Variants in ATRNL1 observed in about 807,000 individuals in gnomAD.
ATRNL1 encodes attractin like 1.
ATRNL1 carries 95 observed loss-of-function variants against 182.7 expected under a neutral mutation model. The ratio of observed to expected loss-of-function variants is 0.52; its 90% CI spans 0.44 to 0.62. The LOEUF (loss-of-function observed/expected upper bound fraction) is 0.62, where lower values mean the gene tolerates loss of function less well. Ranked by LOEUF, ATRNL1 falls within the 20% of genes least tolerant of loss-of-function variation. ATRNL1 has a pLI of 0.00. For synonymous variants in ATRNL1, 576 were observed against 568.3 expected, an observed-to-expected ratio of 1.01 and a Z score of -0.19; for missense variants, 1,471 against 1,679.5, an observed-to-expected ratio of 0.88 and a Z score of 2.17.
intron 25 of ATRNL1, among the ~76,000 whole-genome samples, chr10:115,536,418 G>C (rs1216997331): frequency 6.6e-6 from 1 of 152,228 alleles, no homozygotes; most frequent in African/African-American, 2.4e-5. Flanking sequence ...TCCGAGCCAG[G>C]TGTGGGATAT....
At chr10:115,773,326 A>C in intron 27 of ATRNL1, among the ~76,000 whole-genome samples, 1 of 152,142 alleles carries the variant, frequency 6.6e-6, no homozygotes, top group Admixed American at 6.6e-5. Flanking sequence ...TGCCCAGAGG[A>C]GTAAAAATCT....
At chr10:115,438,151 A>T (rs1344958185) in intron 21 of ATRNL1, among the ~76,000 whole-genome samples, 3 of 152,016 alleles carry the variant, frequency 2.0e-5, no homozygotes, top group African/African-American at 4.8e-5. Context: ...TATATCTAAG[A>T]ATTCTTCTTC....
intron 27 of ATRNL1, among the ~76,000 whole-genome samples, chr10:115,742,601 C>T (rs541872819): frequency 6.6e-6 from 1 of 152,228 alleles, no homozygotes; most frequent in South Asian, 2.1e-4. Context: ...TCTTCATTTT[C>T]TATCTGTCAT....
intron 28 of ATRNL1, among the ~76,000 whole-genome samples, chr10:115,882,690 T>TGGAGAATGAGAAGAGGATGAGGA (rs1401103921): frequency 2.6e-4 from 40 of 152,270 alleles, no homozygotes; most frequent in Admixed American, 7.2e-4. Flanking sequence ...GGGTCTGAGT[T>TGGAGAATGAGAAGAGGATGAGGA]GGAGAATGAG....
chr10:115,203,577 CTTTTTTT>C (rs34988501), intron 8 of ATRNL1, among the ~76,000 whole-genome samples: 1 of 122,398 alleles, frequency 8.2e-6, no homozygotes, highest in African/African-American at 2.9e-5. Context: ...ATTGGGCCAC[CTTTTTTT>C]TTTTTTTTTT....
chr10:115,657,207 T>C (rs1402657131), intron 26 of ATRNL1, among the ~76,000 whole-genome samples: 3 of 152,260 alleles, frequency 2.0e-5, no homozygotes, highest in African/African-American at 7.2e-5. Flanking sequence ...AATAAATCAA[T>C]ATATATTTAA....
At chr10:115,904,181 A>G (rs1952434293) in intron 28 of ATRNL1, among the ~76,000 whole-genome samples, 1 of 152,288 alleles carries the variant, frequency 6.6e-6, no homozygotes, top group South Asian at 2.1e-4. Context: ...GTTTCACATC[A>G]GGCAGGAATG....
chr10:115,096,902 T>C, intron 1 of ATRNL1: 3 of 720,932 alleles, frequency 4.2e-6, no homozygotes, highest in Non-Finnish European at 5.4e-6. Context: ...GGATTGAGAA[T>C]AGGAAAATAT....
intron 21 of ATRNL1, among the ~76,000 whole-genome samples, chr10:115,442,303 C>CTCTCTCTCTCTCTCTCTCTCTGTGTG (rs782157017): frequency 4.0e-4 from 50 of 123,848 alleles, no homozygotes; most frequent in Middle Eastern, 4.7e-3. Context: ...CTCTCTCTCT[C>CTCTCTCTCTCTCTCTCTCTCTGTGTG]TGTGTGTATG....
chr10:115,315,773 C>A, intron 18 of ATRNL1, 37 bp downstream of exon 18: 1 of 1,526,378 alleles, frequency 6.6e-7, no homozygotes. Context: ...TCAGTTTCTG[C>A]TTAAGGGATC....
At chr10:115,164,909 A>T (rs1592196888) in intron 6 of ATRNL1, among the ~76,000 whole-genome samples, 1 of 152,120 alleles carries the variant, frequency 6.6e-6, no homozygotes, top group East Asian at 1.9e-4. Context: ...AGTATTTGAT[A>T]GTAAAGTAGG....
chr10:115,701,959 C>A (rs1438803921), intron 26 of ATRNL1, among the ~76,000 whole-genome samples: 2 of 151,864 alleles, frequency 1.3e-5, no homozygotes, highest in Admixed American at 6.6e-5. Flanking sequence ...AAGCCAGCAT[C>A]ACCCTGATAC....
chr10:115,667,278 C>T (rs984072588), intron 26 of ATRNL1, among the ~76,000 whole-genome samples: 2 of 152,174 alleles, frequency 1.3e-5, no homozygotes, highest in African/African-American at 2.4e-5. Context: ...CAAGGTATAT[C>T]AGTTATCTAT....
intron 8 of ATRNL1, among the ~76,000 whole-genome samples, chr10:115,183,553 C>T (rs554791656): frequency 4.6e-5 from 7 of 151,584 alleles, no homozygotes; most frequent in African/African-American, 1.7e-4. Context: ...AGTAGACTAT[C>T]TTGTACAACA....
chr10:115,615,090 A>G lies in ATRNL1; in HGVS notation c.3795+65554A>G, dbSNP rs782045507. Among the ~76,000 whole-genome samples the G allele has an allele frequency of 3.6e-4, 55 of 151,816 alleles. 2 individuals are homozygous for G. The highest frequency in any genetic ancestry group is 6.8e-3 in the Middle Eastern group (2 of 294). On this transcript the variant is annotated intron_variant, in intron 26 of 28. Coordinates refer to ENST00000355044, the MANE Select transcript of ATRNL1 (RefSeq NM_207303.4). Reference sequence around the variant, plus strand: ...CTTAATCATTTTCTGATTATTGTGTATATCCTTTGTTTCTTTCTTACTTTT... The same window carrying G: ...CTTAATCATTTTCTGATTATTGTGTGTATCCTTTGTTTCTTTCTTACTTTT...
rs9633683 is a variant in ATRNL1, at chr10:115,526,333, T to A, written c.3716+7009T>A. On this transcript the variant is annotated intron_variant, in intron 25 of 28. Coordinates refer to ENST00000355044, the MANE Select transcript of ATRNL1 (RefSeq NM_207303.4). Reference sequence around the variant, plus strand: ...TCTGCTATCAGTCATCAGGGCCTCATTTAAAGCTATGAAAGAGACCCACTG... The same window carrying A: ...TCTGCTATCAGTCATCAGGGCCTCAATTAAAGCTATGAAAGAGACCCACTG... Among the ~76,000 whole-genome samples the A allele has an allele frequency of 1.2e-3, 177 of 152,288 alleles. 2 individuals carry two copies. The East Asian group carries it at 0.033, about 29-fold the overall frequency.
chr10:115,496,608 C>T (rs1849561678), intron 24 of ATRNL1, among the ~76,000 whole-genome samples: 1 of 152,276 alleles, frequency 6.6e-6, no homozygotes, highest in South Asian at 2.1e-4. Context: ...AATTTGAGAT[C>T]ATTCTAACTT....
intron 25 of ATRNL1, among the ~76,000 whole-genome samples, chr10:115,529,110 A>G (rs1554987483): frequency 6.6e-6 from 1 of 152,038 alleles, no homozygotes; most frequent in African/African-American, 2.4e-5. Flanking sequence ...AATATCCTGT[A>G]TATATCTATT....
intron 9 of ATRNL1, among the ~76,000 whole-genome samples, chr10:115,223,921 AT>A (rs2144471042): frequency 2.0e-5 from 1 of 49,042 alleles, no homozygotes; most frequent in South Asian, 5.8e-4. Flanking sequence ...GTGTATATAT[AT>A]ATATATATTT....
Sources: allele counts gnomAD v4.1 joint callset (sites outside exome capture counted in the v4.1 genomes callset), GRCh38; gene constraint gnomAD v4.1.1; transcripts MANE v1.5; gene names NCBI Gene and HGNC (gene_info 2026-07-23, HGNC 2026-07-21).